The following USP48 variants were observed in gnomAD, a reference collection of about 807,000 sequenced individuals.
The protein encoded by USP48 is ubiquitin specific peptidase 48, also known as ubiquitin carboxyl-terminal hydrolase 48.
USP48 carries 43 observed loss-of-function variants against 150.7 expected under a neutral mutation model. The ratio of observed to expected loss-of-function variants is 0.29; its 90% CI spans 0.22 to 0.37. The LOEUF (loss-of-function observed/expected upper bound fraction) is 0.37. Among genes scored for constraint, USP48 ranks in the 10% least tolerant of loss-of-function variants. The pLI, the probability that USP48 is intolerant of heterozygous loss-of-function variation, is 1.00. For missense variants in USP48, 813 were observed against 1,249.6 expected (o/e 0.65, Z 5.27); for synonymous variants, 396 against 425.9 (o/e 0.93, Z 0.86).
At chr1:21,718,975 G>A (rs2097712158) in intron 14 of USP48, among the ~76,000 whole-genome samples, 1 of 151,962 alleles carries the variant, frequency 6.6e-6, no homozygotes, top group Non-Finnish European at 1.5e-5. Context: ...TTAATCAAAA[G>A]TAAAAACTCA....
chr1:21,684,539 C>T (rs977446204), intron 25 of USP48, among the ~76,000 whole-genome samples: 30 of 152,144 alleles, frequency 2.0e-4, no homozygotes, highest in Non-Finnish European at 4.4e-5. Flanking sequence ...TGTGCAGAAG[C>T]TTTTTAGTTT....
chr1:21,716,089 T>G (rs1183784357), intron 14 of USP48, among the ~76,000 whole-genome samples: 3 of 152,214 alleles, frequency 2.0e-5, no homozygotes, highest in Non-Finnish European at 4.4e-5. Flanking sequence ...TAGCATGAAT[T>G]TTTTTCCTTC....
intron 13 of USP48, 92 bp downstream of exon 13, chr1:21,721,558 A>G: frequency 2.2e-6 from 2 of 898,006 alleles, no homozygotes; most frequent in Non-Finnish European, 3.2e-6. Flanking sequence ...AAAAATCCCA[A>G]CTTCCTATTT....
intron 23 of USP48, among the ~76,000 whole-genome samples, chr1:21,694,596 A>C (rs1254290875): frequency 3.3e-5 from 4 of 122,236 alleles, no homozygotes; most frequent in African/African-American, 8.5e-5. Flanking sequence ...AAAAAAAAAA[A>C]AAAAAAAAAA....
intron 14 of USP48, among the ~76,000 whole-genome samples, chr1:21,718,021 T>A (rs891160400): frequency 6.6e-6 from 1 of 152,202 alleles, no homozygotes; most frequent in African/African-American, 2.4e-5. Flanking sequence ...GCCCCTAATA[T>A]GCATATATTG....
chr1:21,746,717 G>GC, intron 8 of USP48, among the ~76,000 whole-genome samples: 2 of 152,258 alleles, frequency 1.3e-5, no homozygotes, highest in Middle Eastern at 6.8e-3. Flanking sequence ...GAATAGAGGC[G>GC]CTTGGAGACT....
chr1:21,783,075 G>T lies in USP48; in HGVS notation c.-118C>A. On this transcript the variant is annotated 5_prime_UTR_variant, in exon 1 of 27. Coordinates refer to ENST00000308271, the MANE Select transcript of USP48 (RefSeq NM_032236.8). The stretch of plus-strand genomic sequence containing the variant: ...CAAGGAGGACCTGGCGCTCCTTCAG[G>T]CAGCTGGCCAGTCAATCACCTGTGC... The T allele has an allele frequency of 7.4e-7, 1 of 1,359,104 alleles. No homozygotes were observed. The highest frequency in any genetic ancestry group is 1.5e-5 in the African/African-American group (1 of 64,886). The allele number at this position is 1,359,104 out of a possible 1,614,324, so 84.2% of individuals were successfully genotyped here. A position where few individuals can be genotyped will look rare whatever the true frequency, so the allele number is the denominator to read the frequency against.
intron 25 of USP48, among the ~76,000 whole-genome samples, chr1:21,682,186 A>G (rs1473773829): frequency 1.3e-5 from 2 of 152,186 alleles, no homozygotes; most frequent in Non-Finnish European, 1.5e-5. Context: ...AGGGGCCATC[A>G]GGTGTGAGGG....
chr1:21,770,042 G>A (rs540771969), intron 1 of USP48, among the ~76,000 whole-genome samples: 19 of 152,038 alleles, frequency 1.2e-4, no homozygotes, highest in South Asian at 8.3e-4. Flanking sequence ...GTACAGCACT[G>A]TTGGTCCCAT....
At chr1:21,681,477 G>A (rs974066778) in intron 25 of USP48, among the ~76,000 whole-genome samples, 4 of 151,880 alleles carry the variant, frequency 2.6e-5, no homozygotes, top group African/African-American at 7.3e-5. Flanking sequence ...GGCCAGGCTC[G>A]TCTCGAACTC....
chr1:21,765,607 ACT>A (rs1175103044), intron 1 of USP48, among the ~76,000 whole-genome samples: 1 of 74,132 alleles, frequency 1.3e-5, no homozygotes, highest in East Asian at 3.6e-4. Flanking sequence ...ACAGAGCGAG[ACT>A]CTGTCAAAAA....
intron 26 of USP48, among the ~76,000 whole-genome samples, 159 bp downstream of exon 26, chr1:21,680,649 T>A (rs1028691480): frequency 6.6e-6 from 1 of 152,204 alleles, no homozygotes; most frequent in African/African-American, 2.4e-5. Context: ...AAAAAGATAA[T>A]GAAGAAGCTT....
intron 8 of USP48, among the ~76,000 whole-genome samples, chr1:21,740,202 C>A (rs111274962): frequency 6.6e-6 from 1 of 152,226 alleles, no homozygotes; most frequent in Non-Finnish European, 1.5e-5. Context: ...TGAGCCACTG[C>A]GCCCAGGCCA....
intron 5 of USP48, 59 bp downstream of exon 5, chr1:21,752,468 A>G: frequency 1.9e-6 from 3 of 1,583,324 alleles, no homozygotes; most frequent in Non-Finnish European, 1.7e-6. Context: ...AAAAATAGTT[A>G]ACATATGAGC....
In USP48 at chr1:21,752,516, A is replaced by G; in HGVS notation, c.665+11T>C. ...ATAAAATGTACCATGAAAAAGTTGAAACAGACTTACACAGTTACATAGGCA... is the reference window on the plus strand; with the variant it reads ...ATAAAATGTACCATGAAAAAGTTGAGACAGACTTACACAGTTACATAGGCA... On this transcript the variant is annotated intron_variant, in intron 5 of 26. Transcript: ENST00000308271. 6.2e-7 allele frequency: 1 copy of G among 1,604,576 alleles called. No individual in the cohort carries two copies. Among genetic ancestry groups the G allele is most frequent in the East Asian group, 2.2e-5 (1 of 44,780 alleles).
chr1:21,728,130 A>G, intron 11 of USP48: 1 of 986,666 alleles, frequency 1.0e-6, no homozygotes, highest in Non-Finnish European at 1.2e-6. Context: ...ATTTGGTATT[A>G]AACTTCAAGT....
At chr1:21,782,350 G>T (rs564722484) in intron 1 of USP48, among the ~76,000 whole-genome samples, 1 of 152,022 alleles carries the variant, frequency 6.6e-6, no homozygotes, top group South Asian at 2.1e-4. Context: ...GAAGGCCAAC[G>T]GGGGTGCAGG....
intron 14 of USP48, among the ~76,000 whole-genome samples, chr1:21,717,621 C>G (rs2097708356): frequency 6.6e-6 from 1 of 152,220 alleles, no homozygotes; most frequent in African/African-American, 2.4e-5. Context: ...AAACATTAAG[C>G]CTCAACACTG....
At chr1:21,742,931 A>T (rs543847847) in intron 8 of USP48, among the ~76,000 whole-genome samples, 2 of 152,358 alleles carry the variant, frequency 1.3e-5, no homozygotes, top group Admixed American at 1.3e-4. Context: ...GCTCGGGTAG[A>T]GAGATCAGCC....
Sources: allele counts gnomAD v4.1 joint callset (sites outside exome capture counted in the v4.1 genomes callset), GRCh38; gene constraint gnomAD v4.1.1; transcripts MANE v1.5; gene names NCBI Gene and HGNC (gene_info 2026-07-23, HGNC 2026-07-21).